CCNT1: variants seen among roughly 807,000 people sequenced by gnomAD.
The protein encoded by CCNT1 is cyclin-T1.
In CCNT1, 18 loss-of-function variants were observed where a neutral mutation model predicts 67.3. The observed-to-expected ratio is 0.27, with a 90% confidence interval of 0.18 to 0.40. The LOEUF (loss-of-function observed/expected upper bound fraction) is 0.40. CCNT1 is among the 10% of genes least tolerant of loss of function. CCNT1 has a pLI of 1.00. For missense variants in CCNT1, 744 were observed against 884.9 expected (o/e 0.84, Z 2.02); for synonymous variants, 333 against 310.3 (o/e 1.07, Z -0.77).
chr12:48,700,178 G>T (rs1940241366), intron 4 of CCNT1, among the ~76,000 whole-genome samples: 1 of 151,826 alleles, frequency 6.6e-6, no homozygotes, highest in African/African-American at 2.4e-5. Context: ...ATTTAGCTGG[G>T]CGTGGTGGCG....
In CCNT1 at chr12:48,695,480, G is replaced by GT. The variant is rs1347976239; in HGVS notation, c.777+278dup. ...CAATACTCTAACTCCGAGAAGCCAT[G>GT]TTTTTTCCCTACCAGTTTCCACACA... is the stretch of plus-strand genomic sequence containing the variant. On this transcript the variant is annotated intron_variant, in intron 8 of 8. Coordinates refer to ENST00000261900, the MANE Select transcript of CCNT1 (RefSeq NM_001240.4). 5.3e-5 allele frequency among the ~76,000 whole-genome samples: 8 copies of GT among 152,132 alleles called. No homozygotes were observed. The South Asian group carries it at 1.5e-3, about 28-fold the overall frequency.
At chr12:48,715,690 T>C (rs1451201835) in intron 1 of CCNT1, among the ~76,000 whole-genome samples, 2 of 152,096 alleles carry the variant, frequency 1.3e-5, no homozygotes, top group African/African-American at 4.8e-5. Flanking sequence ...CTCGAACTCC[T>C]GACCTCAGGT....
intron 6 of CCNT1, 112 bp downstream of exon 6, chr12:48,698,026 A>C: frequency 1.6e-6 from 1 of 606,606 alleles, no homozygotes. Context: ...ACAACATGAA[A>C]ACTGTGCAGA....
chr12:48,708,174 G>A (rs1940392945), intron 2 of CCNT1, among the ~76,000 whole-genome samples: 1 of 151,894 alleles, frequency 6.6e-6, no homozygotes, highest in Non-Finnish European at 1.5e-5. Flanking sequence ...CAAAGTTCAA[G>A]ATCAGCCTGC....
Position 48,693,181 on chromosome 12 carries a change from G to A in CCNT1, c.2033C>T (p.Pro678Leu). The A allele has an allele frequency of 6.2e-7, 1 of 1,614,146 alleles. No homozygotes were observed. Among genetic ancestry groups the A allele is most frequent in the South Asian group, 1.1e-5 (1 of 91,088 alleles). The change falls in exon 9 of 9, where the codon CCC becomes CTC. Residue 678 changes from proline (P) to leucine (L), a missense_variant. Pro to Leu is a moderately conservative substitution (Grantham distance 98). This residue lies in a region of CCNT1 where 564 missense variants were observed against 574.2 expected (regional missense o/e 0.98). Transcript: ENST00000261900. ...AGGACGAACAAATTCAAATGCAGTG[G>A]GCTGAGTGGGCTGAACACCCTGGGC... The part of the protein sequence containing the change: ...LSAQGVQPTQ[P>L]TAFEFVRPYS...
At position 48,693,928 on chromosome 12, in the gene CCNT1, T is replaced by C. The variant is rs1299341224; in HGVS notation, c.1286A>G (p.His429Arg). The change falls in exon 9 of 9, where the codon CAT (histidine) becomes CGT (arginine). Residue 429 changes from histidine (H) to arginine (R), a missense_variant. Coordinates refer to ENST00000261900, the MANE Select transcript of CCNT1 (RefSeq NM_001240.4). ...TAGAATGACTGAAGAATGGCTATCATGATGAGAAAGGAGATTCTGGGCAGC... is the reference window on the plus strand; with the variant it reads ...TAGAATGACTGAAGAATGGCTATCACGATGAGAAAGGAGATTCTGGGCAGC... ...AYAAQNLLSH[H>R]DSHSSVILKM... The C allele has an allele frequency of 5.6e-6, 9 of 1,614,050 alleles. No homozygotes were observed. The highest frequency in any genetic ancestry group is 7.6e-6 in the Non-Finnish European group (9 of 1,180,052).
chr12:48,711,876 T>C (rs1940456184), intron 2 of CCNT1, among the ~76,000 whole-genome samples: 2 of 152,288 alleles, frequency 1.3e-5, no homozygotes, highest in South Asian at 4.1e-4. Flanking sequence ...CACTGCAAGC[T>C]CCACCTCCTG....
intron 1 of CCNT1, 44 bp from the exon 2 acceptor site, chr12:48,714,568 C>T (rs1019330324): frequency 3.4e-5 from 43 of 1,269,366 alleles, no homozygotes; most frequent in Non-Finnish European, 4.5e-5. Context: ...AGGTATAATT[C>T]TGGAAAAGAT....
At chr12:48,696,236 A>T (rs1940165777) in intron 6 of CCNT1, 74 bp from the exon 7 acceptor site, 4 of 146,148 alleles carry the variant, frequency 2.7e-5, no homozygotes, top group Non-Finnish European at 4.5e-5. Context: ...ACTCTCCATT[A>T]TTTAAAAAAA....
chr12:48,710,265 A>G (rs761393039), intron 2 of CCNT1, among the ~76,000 whole-genome samples: 2 of 152,152 alleles, frequency 1.3e-5, no homozygotes, highest in Admixed American at 6.6e-5. Context: ...GATATATAAC[A>G]TATCAATGCC....
chr12:48,712,393 A>G (rs1940465413), intron 2 of CCNT1, among the ~76,000 whole-genome samples: 1 of 151,032 alleles, frequency 6.6e-6, no homozygotes. Flanking sequence ...TGATTGCCTC[A>G]GCCTCCTGAG....
rs575556618 is a variant in CCNT1 at position 48,694,732 on chromosome 12, C to G, written c.778-296G>C. Among the ~76,000 whole-genome samples, 29 of 152,310 alleles carry G rather than the reference C, an allele frequency of 1.9e-4. No homozygotes were observed. The South Asian group carries it at 5.8e-3, about 30-fold the overall frequency. ...CCTTCGCTTATGATTATAGTTAGTCCATAACTGAGTTCTAGAAATTTTGGT... is the reference window on the plus strand; with the variant it reads ...CCTTCGCTTATGATTATAGTTAGTCGATAACTGAGTTCTAGAAATTTTGGT... On this transcript the variant is annotated intron_variant, in intron 8 of 8. Transcript: ENST00000261900.
chr12:48,715,758 C>G (rs1940523995), intron 1 of CCNT1, among the ~76,000 whole-genome samples: 1 of 152,190 alleles, frequency 6.6e-6, no homozygotes, highest in Non-Finnish European at 1.5e-5. Flanking sequence ...CCACCGCATC[C>G]AGCCGTTACC....
rs759919820 is a variant in CCNT1 at position 48,712,595 on chromosome 12, T to TAAAAAAAAAAAAAAAAAAAA, written c.243+1828_243+1847dup. 2.7e-4 allele frequency among the ~76,000 whole-genome samples: 9 copies of TAAAAAAAAAAAAAAAAAAAA among 33,374 alleles called. 1 individual carries two copies. Among genetic ancestry groups the TAAAAAAAAAAAAAAAAAAAA allele is most frequent in the Non-Finnish European group, 3.3e-4 (7 of 20,932 alleles). 21.9% of individuals were successfully genotyped at this position (33,374 alleles called of 152,430 possible). A position where few individuals can be genotyped will look rare whatever the true frequency, so the allele number is the denominator to read the frequency against. ...TCTTTTCCTTAAAAAAAAAAAAAAA[T>TAAAAAAAAAAAAAAAAAAAA]AAAAAAAAAAAAAAAAAAAAAAAGC... On this transcript the variant is annotated intron_variant, in intron 2 of 8. Coordinates refer to ENST00000261900, the MANE Select transcript of CCNT1 (RefSeq NM_001240.4).
At chr12:48,698,811 G>C (rs1461551800) in intron 5 of CCNT1, among the ~76,000 whole-genome samples, 1 of 152,052 alleles carries the variant, frequency 6.6e-6, no homozygotes, top group South Asian at 2.1e-4. Context: ...TAAAAAATTA[G>C]CTGGGGTGGT....
intron 5 of CCNT1, 88 bp downstream of exon 5, chr12:48,699,690 C>G: frequency 1.2e-6 from 1 of 833,446 alleles, no homozygotes; most frequent in Non-Finnish European, 1.9e-6. Flanking sequence ...TTAGCCAAAG[C>G]AGAACTATTA....
At chr12:48,706,035 C>T (rs1054009825) in intron 2 of CCNT1, 139 bp from the exon 3 acceptor site, 5 of 666,608 alleles carry the variant, frequency 7.5e-6, no homozygotes, top group Non-Finnish European at 1.2e-5. Context: ...TTCCCGCCCC[C>T]CCGCTTCTAC....
chr12:48,708,598 AAAG>A (rs1940402265), intron 2 of CCNT1, among the ~76,000 whole-genome samples: 1 of 152,136 alleles, frequency 6.6e-6, no homozygotes, highest in African/African-American at 2.4e-5. Flanking sequence ...ATAAAGGAAA[AAAG>A]AAACACAGGC....
In CCNT1 at chr12:48,713,919, G is replaced by T. The variant is rs143159794; in HGVS notation, c.243+524C>A. Among the ~76,000 whole-genome samples the T allele has an allele frequency of 2.6e-5, 4 of 152,034 alleles. 1 individual carries two copies. Among genetic ancestry groups the T allele is most frequent in the Admixed American group, 2.0e-4 (3 of 15,232 alleles). Reference sequence around the variant, plus strand: ...TTTTTTGGGGTTTTTTTTGAAGACAGGGTCTCACTCTGATGCCCAGGCTGG... The same window carrying T: ...TTTTTTGGGGTTTTTTTTGAAGACATGGTCTCACTCTGATGCCCAGGCTGG... On this transcript the variant is annotated intron_variant, in intron 2 of 8. Coordinates refer to ENST00000261900, the MANE Select transcript of CCNT1 (RefSeq NM_001240.4).
Sources: gnomAD v4.1 joint callset for allele counts (sites outside exome capture counted in the v4.1 genomes callset) on GRCh38, gnomAD v4.1.1 for gene constraint, gnomAD v4.1.1 regional missense constraint, MANE v1.5 for transcripts, NCBI Gene and HGNC (gene_info 2026-07-23, HGNC 2026-07-21) for gene names.